SGCZ: variants seen among roughly 807,000 people sequenced by gnomAD.
SGCZ encodes zeta-sarcoglycan.
In SGCZ, 40 loss-of-function variants were observed where a neutral mutation model predicts 41.3. The ratio of observed to expected loss-of-function variants is 0.97; its 90% CI spans 0.75 to 1.26. The LOEUF is 1.26. Among genes scored for constraint, SGCZ ranks in the 50% most tolerant of loss-of-function variants. The probability of loss-of-function intolerance (pLI) is 0.00; values close to 1 mark genes in which losing one functional copy is unlikely to be tolerated. For missense variants in SGCZ, 552 were observed against 369.8 expected, an observed-to-expected ratio of 1.49 and a Z score of -4.04; for synonymous variants, 206 against 137.5, an observed-to-expected ratio of 1.50 and a Z score of -3.49.
intron 2 of SGCZ, among the ~76,000 whole-genome samples, chr8:14,331,311 T>G (rs1802312386): frequency 6.6e-6 from 1 of 152,066 alleles, no homozygotes; most frequent in African/African-American, 2.4e-5. Context: ...AAAATTAACT[T>G]CAACTTCTAA....
chr8:14,588,432 G>C (rs1483096510), intron 1 of SGCZ, among the ~76,000 whole-genome samples: 3 of 147,158 alleles, frequency 2.0e-5, no homozygotes, highest in Non-Finnish European at 2.9e-5. Flanking sequence ...GGAAAACTTT[G>C]ATTTATTTAT....
At chr8:14,534,389 C>G (rs945308929) in intron 2 of SGCZ, among the ~76,000 whole-genome samples, 1 of 151,994 alleles carries the variant, frequency 6.6e-6, no homozygotes, top group African/African-American at 2.4e-5. Flanking sequence ...GTGACTATTT[C>G]TTCTTACTGG....
intron 1 of SGCZ, among the ~76,000 whole-genome samples, chr8:15,024,754 G>A (rs973595621): frequency 6.6e-6 from 1 of 151,942 alleles, no homozygotes; most frequent in South Asian, 2.1e-4. Context: ...GGCTAACATG[G>A]TGAAACCCCA....
At chr8:14,808,844 T>C (rs1284216066) in intron 1 of SGCZ, among the ~76,000 whole-genome samples, 7 of 151,876 alleles carry the variant, frequency 4.6e-5, no homozygotes, top group African/African-American at 1.5e-4. Flanking sequence ...TGTCCAACGA[T>C]GATAGACTGG....
intron 4 of SGCZ, among the ~76,000 whole-genome samples, chr8:14,225,731 G>A (rs1055727916): frequency 2.6e-5 from 4 of 151,972 alleles, no homozygotes; most frequent in Admixed American, 2.0e-4. Flanking sequence ...CATAAAAACA[G>A]ACGAAGCCAA....
intron 2 of SGCZ, among the ~76,000 whole-genome samples, chr8:14,357,238 A>G (rs1458177710): frequency 6.6e-6 from 1 of 152,210 alleles, no homozygotes; most frequent in Admixed American, 6.5e-5. Flanking sequence ...GTTTGATCAC[A>G]CATGCTGGAA....
chr8:14,156,351 C>T (rs1476705093), intron 5 of SGCZ, among the ~76,000 whole-genome samples: 1 of 152,004 alleles, frequency 6.6e-6, no homozygotes, highest in South Asian at 2.1e-4. Context: ...GTCCCAGCTA[C>T]TCAGGAGGCT....
intron 1 of SGCZ, among the ~76,000 whole-genome samples, chr8:14,983,130 T>C (rs1017352815): frequency 6.6e-6 from 1 of 152,166 alleles, no homozygotes; most frequent in African/African-American, 2.4e-5. Flanking sequence ...GTAAGTATTA[T>C]GTACCTGCTG....
intron 3 of SGCZ, among the ~76,000 whole-genome samples, chr8:14,248,130 T>C (rs916692947): frequency 6.6e-5 from 10 of 152,218 alleles, no homozygotes; most frequent in African/African-American, 2.4e-4. Flanking sequence ...TCTAGAATTC[T>C]AGAATGGAAC....
chr8:14,559,035 G>A (rs1438649896), intron 1 of SGCZ, among the ~76,000 whole-genome samples: 1 of 152,040 alleles, frequency 6.6e-6, no homozygotes, highest in Non-Finnish European at 1.5e-5. Context: ...AGTGAATGCG[G>A]AAAAGTTGAA....
In SGCZ at chr8:14,644,083, C is replaced by A. The variant is rs1807120398; in HGVS notation, c.40-89157G>T. On this transcript the variant is annotated intron_variant, in intron 1 of 7. Coordinates refer to ENST00000382080, the MANE Select transcript of SGCZ (RefSeq NM_139167.4). ...GAAAATAACTTTTAAGTATTATGAT[C>A]TAGCATACCTATCAATATTTTCTTA... Among the ~76,000 whole-genome samples the A allele has an allele frequency of 3.3e-5, 5 of 151,674 alleles. No homozygotes were observed. In the South Asian group the frequency reaches 1.0e-3, roughly 31 times the overall value.
At chr8:14,973,973 T>G (rs548512056) in intron 1 of SGCZ, among the ~76,000 whole-genome samples, 1 of 152,280 alleles carries the variant, frequency 6.6e-6, no homozygotes, top group South Asian at 2.1e-4. Flanking sequence ...AGGAAATGAA[T>G]TAAAGAGACA....
At chr8:14,886,027 ATATAT>A (rs1563339195) in intron 1 of SGCZ, among the ~76,000 whole-genome samples, 2 of 117,966 alleles carry the variant, frequency 1.7e-5, no homozygotes, top group Non-Finnish European at 3.6e-5. Context: ...ATATATATAT[ATATAT>A]ATAAAATTGT....
At chr8:15,173,140 A>G (rs1799894362) in intron 1 of SGCZ, among the ~76,000 whole-genome samples, 1 of 152,254 alleles carries the variant, frequency 6.6e-6, no homozygotes, top group Admixed American at 6.5e-5. Context: ...CAGGCTTGCC[A>G]CTGTAAGCCT....
chr8:15,192,353 A>C (rs1314964423), intron 1 of SGCZ, among the ~76,000 whole-genome samples: 1 of 152,080 alleles, frequency 6.6e-6, no homozygotes, highest in Admixed American at 6.6e-5. Flanking sequence ...ATTTTTCTTA[A>C]AATACACCTG....
intron 1 of SGCZ, among the ~76,000 whole-genome samples, chr8:14,917,821 C>A (rs1212601617): frequency 1.3e-5 from 2 of 152,026 alleles, no homozygotes; most frequent in Non-Finnish European, 2.9e-5. Flanking sequence ...ATCACATGTG[C>A]CTTTCTCACA....
At chr8:14,126,024 C>T (rs1425501382) in intron 5 of SGCZ, among the ~76,000 whole-genome samples, 1 of 152,172 alleles carries the variant, frequency 6.6e-6, no homozygotes, top group Non-Finnish European at 1.5e-5. Context: ...ACCATAAAAA[C>T]CCTAGAAGAA....
intron 1 of SGCZ, among the ~76,000 whole-genome samples, chr8:15,030,170 C>A (rs1428621651): frequency 6.6e-6 from 1 of 151,946 alleles, no homozygotes; most frequent in Non-Finnish European, 1.5e-5. Context: ...TGGAAGGATC[C>A]CCTTAAAGGG....
At chr8:15,167,389 G>C (rs1252906734) in intron 1 of SGCZ, among the ~76,000 whole-genome samples, 1 of 152,166 alleles carries the variant, frequency 6.6e-6, no homozygotes, top group East Asian at 1.9e-4. Flanking sequence ...TTGACCTGTG[G>C]TCAGTAAAGA....
Sources: gnomAD v4.1 joint callset for allele counts (sites outside exome capture counted in the v4.1 genomes callset) on GRCh38, gnomAD v4.1.1 for gene constraint, MANE v1.5 for transcripts, NCBI Gene and HGNC (gene_info 2026-07-23, HGNC 2026-07-21) for gene names.